BCOR: variants seen among roughly 807,000 people sequenced by gnomAD.
BCOR encodes BCL-6 corepressor.
A neutral mutation model predicts 86.7 loss-of-function variants in BCOR; 10 were observed. The ratio of observed to expected loss-of-function variants is 0.12; its 90% CI spans 0.07 to 0.20. The LOEUF (loss-of-function observed/expected upper bound fraction) is 0.20. Ranked by LOEUF, BCOR falls within the 10% of genes least tolerant of loss-of-function variation. The pLI is 1.00. For synonymous variants in BCOR, 611 were observed against 609.0 expected (o/e 1.00, Z -0.05); for missense variants, 1,259 against 1,452.1 (o/e 0.87, Z 2.16).
At position 40,091,923 on chromosome X, in the gene BCOR, G is replaced by A. The variant is rs1936635129; in HGVS notation, c.-41+5292C>T. ...GGCCCCCACCGGGCCCGATCCAGAA[G>A]ATGGGCTGGGGCACCGAGGCAATAA... On this transcript the variant is annotated intron_variant, in intron 1 of 14. Transcript: ENST00000378444. Among the ~76,000 whole-genome samples the A allele has an allele frequency of 4.4e-5, 5 of 113,308 alleles. No individual in the cohort carries two copies. The Admixed American group carries it at 4.6e-4, about 10-fold the overall frequency.
At chrX:40,100,621 C>G (rs1171664840), upstream of BCOR, among the ~76,000 whole-genome samples, 1 of 109,061 alleles carries the variant, frequency 9.2e-6, no homozygotes, top group African/African-American at 3.3e-5. Flanking sequence ...ATCGCTTGAA[C>G]CCGGGAGGCG....
At chrX:40,078,487 GT>G (rs1461205273) in intron 1 of BCOR, among the ~76,000 whole-genome samples, 18 of 111,647 alleles carry the variant, frequency 1.6e-4, no homozygotes, top group Admixed American at 1.5e-3. Flanking sequence ...AACTACCTGC[GT>G]TTCTAGGGCT....
chrX:40,092,201 C>T (rs2147631374), intron 1 of BCOR, among the ~76,000 whole-genome samples: 1 of 112,202 alleles, frequency 8.9e-6, no homozygotes, highest in Admixed American at 9.2e-5. Flanking sequence ...CCCGCAGCTC[C>T]GGGGAACGTC....
chrX:40,066,701 G>T (rs1043389606), intron 6 of BCOR, among the ~76,000 whole-genome samples: 1 of 111,846 alleles, frequency 8.9e-6, no homozygotes, highest in Non-Finnish European at 1.9e-5. Context: ...TGTAAAGACT[G>T]TGTTACGAAG....
At chrX:40,063,110 G>GGT in intron 8 of BCOR, 39 bp from the exon 9 acceptor site, 1 of 644,551 alleles carries the variant, frequency 1.6e-6, no homozygotes, top group Non-Finnish European at 2.2e-6. Context: ...GGGCGGATGG[G>GGT]AGACGGGAGA....
At chrX:40,119,675 C>T (rs1937454255) in intron 1 of BCOR, among the ~76,000 whole-genome samples, 1 of 110,107 alleles carries the variant, frequency 9.1e-6, no homozygotes, top group Non-Finnish European at 1.9e-5. Flanking sequence ...TGGAGTTATC[C>T]TTGGAGATGG....
At chrX:40,163,146 T>C (rs1938452596) in intron 1 of BCOR, among the ~76,000 whole-genome samples, 3 of 111,679 alleles carry the variant, frequency 2.7e-5, no homozygotes, top group African/African-American at 9.8e-5. Flanking sequence ...GGGCGGTGAC[T>C]TATAAGGCAA....
At chrX:40,135,684 C>A (rs1332708249) in intron 1 of BCOR, among the ~76,000 whole-genome samples, 1 of 111,840 alleles carries the variant, frequency 8.9e-6, no homozygotes, top group African/African-American at 3.3e-5. Context: ...GCCACCGCGC[C>A]CGGCCCTTCA....
intron 1 of BCOR, among the ~76,000 whole-genome samples, chrX:40,124,391 G>A (rs1259318969): frequency 2.7e-5 from 3 of 109,192 alleles, no homozygotes; most frequent in Non-Finnish European, 5.7e-5. Flanking sequence ...TCCCGCCTCA[G>A]CCTCCCAAGT....
chrX:40,147,385 C>A (rs916377479), intron 1 of BCOR, among the ~76,000 whole-genome samples: 1 of 112,749 alleles, frequency 8.9e-6, no homozygotes, highest in African/African-American at 3.2e-5. Flanking sequence ...ATACCCCAAT[C>A]CCTCGAGTTT....
At chrX:40,162,621 C>A (rs778359067) in intron 1 of BCOR, among the ~76,000 whole-genome samples, 2 of 111,643 alleles carry the variant, frequency 1.8e-5, no homozygotes, top group South Asian at 3.7e-4. Flanking sequence ...AAAATGAAAT[C>A]TTCAGGAGGG....
intron 1 of BCOR, among the ~76,000 whole-genome samples, chrX:40,105,779 T>C (rs1283651508): frequency 8.9e-6 from 1 of 112,642 alleles, no homozygotes; most frequent in Non-Finnish European, 1.9e-5. Context: ...TCCCACCCAC[T>C]GCAGGCGACA....
intron 1 of BCOR, among the ~76,000 whole-genome samples, chrX:40,168,686 C>T (rs1323565565): frequency 8.9e-6 from 1 of 112,904 alleles, no homozygotes; most frequent in Non-Finnish European, 1.9e-5. Flanking sequence ...GAGGAGACGC[C>T]ACATCGGGCC....
At chrX:40,057,073 G>A (rs1352517397) in intron 11 of BCOR, 82 bp downstream of exon 11, 6 of 1,074,540 alleles carry the variant, frequency 5.6e-6, no homozygotes, top group African/African-American at 3.7e-5. Context: ...GGAATTTCCC[G>A]TATACACTGA....
At position 40,073,155 on chromosome X, in the gene BCOR, G is replaced by C; in HGVS notation, c.2191C>G (p.Pro731Ala). The change falls in exon 4 of 15, where the codon CCA becomes GCA. Residue 731 changes from proline (P) to alanine (A), a missense_variant. Pro to Ala is a conservative substitution (Grantham distance 27). Around this residue, in one of 7 missense-constraint regions of BCOR, gnomAD observed 534 missense variants for 594.8 expected, o/e 0.90. Coordinates refer to ENST00000378444, the MANE Select transcript of BCOR (RefSeq NM_001123385.2). ...GLGMVHPMLI[P>A]HTPIEITKEE... ...TTAGTAATCTCTATGGGCGTGTGTG[G>C]TATCAACATGGGATGCACCATGCCC... 8.3e-7 allele frequency: 1 copy of C among 1,211,914 alleles called. No homozygotes were observed.
intron 10 of BCOR, among the ~76,000 whole-genome samples, 161 bp downstream of exon 10, chrX:40,061,978 C>T (rs1934895934): frequency 9.0e-6 from 1 of 110,711 alleles, no homozygotes; most frequent in African/African-American, 3.3e-5. Context: ...AAAGAGACAG[C>T]AGTGAGAGTG....
chrX:40,080,099 C>A (rs1237734178), intron 1 of BCOR, among the ~76,000 whole-genome samples: 3 of 83,834 alleles, frequency 3.6e-5, no homozygotes, highest in Non-Finnish European at 6.1e-5. Context: ...GCCTAATGAA[C>A]CTCAATCTTC....
intron 1 of BCOR, among the ~76,000 whole-genome samples, chrX:40,137,928 G>C (rs748289160): frequency 3.1e-4 from 34 of 111,371 alleles, no homozygotes; most frequent in Non-Finnish European, 5.5e-4. Flanking sequence ...AAGGGAAGTG[G>C]ACGGGGGGCG....
chrX:40,171,968 TG>T (rs1416228480), intron 1 of BCOR, among the ~76,000 whole-genome samples: 1 of 112,731 alleles, frequency 8.9e-6, no homozygotes, highest in Non-Finnish European at 1.9e-5. Context: ...CGCCGGCAAG[TG>T]CAGCCGGGCC....
Sources: gnomAD v4.1 joint callset for allele counts (sites outside exome capture counted in the v4.1 genomes callset) on GRCh38, gnomAD v4.1.1 for gene constraint, gnomAD v4.1.1 regional missense constraint, MANE v1.5 for transcripts, NCBI Gene and HGNC (gene_info 2026-07-23, HGNC 2026-07-21) for gene names.